The following PCDHGA6 variants were observed in gnomAD, a reference collection of about 807,000 sequenced individuals.
PCDHGA6 encodes protocadherin gamma subfamily A, 6.
PCDHGA6 carries 41 observed loss-of-function variants against 60.6 expected under a neutral mutation model. The ratio of observed to expected loss-of-function variants is 0.68; its 90% CI spans 0.53 to 0.88. The LOEUF (loss-of-function observed/expected upper bound fraction) is 0.88. PCDHGA6 is among the 40% of genes least tolerant of loss of function. PCDHGA6 has a pLI of 0.00. For synonymous variants in PCDHGA6, 594 were observed against 524.4 expected (o/e 1.13, Z -1.81); for missense variants, 1,312 against 1,203.0 (o/e 1.09, Z -1.34).
At chr5:141,470,236 T>C (rs1232874196) in intron 1 of PCDHGA6, among the ~76,000 whole-genome samples, 1 of 152,210 alleles carries the variant, frequency 6.6e-6, no homozygotes, top group African/African-American at 2.4e-5. Context: ...ACCAAACCCT[T>C]GAATGTCCCA....
intron 1 of PCDHGA6, chr5:141,419,128 A>T (rs1298102722): frequency 1.2e-6 from 2 of 1,613,768 alleles, no homozygotes; most frequent in East Asian, 2.2e-5. Flanking sequence ...TCACCATCGC[A>T]GCCACAGACA....
intron 1 of PCDHGA6, chr5:141,405,448 C>A: frequency 5.3e-6 from 7 of 1,314,660 alleles, no homozygotes; most frequent in South Asian, 1.3e-5. Context: ...GAGACAGAGT[C>A]TTACTCTGTT....
chr5:141,431,748 G>A lies in PCDHGA6; in HGVS notation c.2424+55241G>A, dbSNP rs759671844. On this transcript the variant is annotated intron_variant, in intron 1 of 3. Coordinates refer to ENST00000517434, the MANE Select transcript of PCDHGA6 (RefSeq NM_018919.3). This position sits in a 1 kb window ranked among gnomAD's most constrained non-coding sequence, Gnocchi z 4.8. ...ATGGATAATGCAGGATATTCTGCGC[G>A]AGCCAAAGTCCTGATCACTGTTCTG... 4 of 1,614,078 alleles carry A rather than the reference G, an allele frequency of 2.5e-6. No individual in the cohort carries two copies. Among genetic ancestry groups the A allele is most frequent in the African/African-American group, 1.3e-5 (1 of 74,934 alleles).
In PCDHGA6 at chr5:141,476,737, G is replaced by A. The variant is rs1420138912; in HGVS notation, c.2425-18070G>A. ...AGCGCGCCCTGGACCGAGAACGGGA[G>A]CCTAGTCTCCAGTTAGTGCTGACGG... is the stretch of plus-strand genomic sequence containing the variant. On this transcript the variant is annotated intron_variant, in intron 1 of 3. Coordinates refer to ENST00000517434, the MANE Select transcript of PCDHGA6 (RefSeq NM_018919.3). This position sits in a 1 kb window ranked among gnomAD's most constrained non-coding sequence, Gnocchi z 7.6. The A allele has an allele frequency of 3.1e-6, 5 of 1,613,982 alleles. No individual in the cohort carries two copies. Among genetic ancestry groups the A allele is most frequent in the Non-Finnish European group, 4.2e-6 (5 of 1,180,038 alleles).
At chr5:141,413,841 T>C (rs1481867404) in intron 1 of PCDHGA6, 1 of 1,613,060 alleles carries the variant, frequency 6.2e-7, no homozygotes, top group Admixed American at 1.7e-5. Context: ...CCGACGGGGG[T>C]GACCCTCTCC....
Position 141,493,891 on chromosome 5 carries a change from G to A in PCDHGA6, c.2425-916G>A, listed in dbSNP as rs1595204910. On this transcript the variant is annotated intron_variant, in intron 1 of 3. Transcript: ENST00000517434. The surrounding 1 kb of genome is among the most constrained non-coding windows in gnomAD (Gnocchi z 4.3). ...CCAGTGAGGAGGTGGCTCTAGGAGT[G>A]CTCCATGAGAGTGTGTGATGGGATA... Among the ~76,000 whole-genome samples, 1 of 152,300 alleles carries A rather than the reference G, an allele frequency of 6.6e-6. No homozygotes were observed. The highest frequency in any genetic ancestry group is 1.5e-5 in the Non-Finnish European group (1 of 68,018).
chr5:141,403,318 A>G, intron 1 of PCDHGA6: 1 of 1,613,982 alleles, frequency 6.2e-7, no homozygotes, highest in Non-Finnish European at 8.5e-7. Flanking sequence ...TAGAAATAGA[A>G]GTAACTGATA....
chr5:141,459,595 T>C (rs904266180), intron 1 of PCDHGA6, among the ~76,000 whole-genome samples: 10 of 152,232 alleles, frequency 6.6e-5, no homozygotes, highest in African/African-American at 9.6e-5. Context: ...TCATATGAAA[T>C]GGGAAGTATA....
rs146719320 is a variant in PCDHGA6, at chr5:141,444,557, A to T, written c.2425-50250A>T. ...TGTGTCTAGTGAGCAAAAGGCACTTATTTGACACTTTTGACTCTTCCTTTC... is the reference window on the plus strand; with the variant it reads ...TGTGTCTAGTGAGCAAAAGGCACTTTTTTGACACTTTTGACTCTTCCTTTC... On this transcript the variant is annotated intron_variant, in intron 1 of 3. Transcript: ENST00000517434. Among the ~76,000 whole-genome samples, 1,352 of 152,248 alleles carry T rather than the reference A, an allele frequency of 8.9e-3. 18 individuals carry two copies. The highest frequency in any genetic ancestry group is 0.031 in the African/African-American group (1,277 of 41,558).
intron 1 of PCDHGA6, chr5:141,418,509 G>T: frequency 6.2e-7 from 1 of 1,613,986 alleles, no homozygotes; most frequent in Non-Finnish European, 8.5e-7. Flanking sequence ...GCCTTAGATG[G>T]TGGGGACCCT....
chr5:141,489,991 A>G lies in PCDHGA6; in HGVS notation c.2425-4816A>G, dbSNP rs1157441385. On this transcript the variant is annotated intron_variant, in intron 1 of 3. Coordinates refer to ENST00000517434, the MANE Select transcript of PCDHGA6 (RefSeq NM_018919.3). The surrounding 1 kb of genome is among the most constrained non-coding windows in gnomAD (Gnocchi z 4.5). Reference sequence around the variant, plus strand: ...CCAATCCTCAGTTCTACGTGTGGGAATCCCAGAGAATGCACCCATTGGTAC... The same window carrying G: ...CCAATCCTCAGTTCTACGTGTGGGAGTCCCAGAGAATGCACCCATTGGTAC... The G allele has an allele frequency of 6.2e-7, 1 of 1,614,228 alleles. No individual in the cohort carries two copies. Among genetic ancestry groups the G allele is most frequent in the South Asian group, 1.1e-5 (1 of 91,090 alleles).
At chr5:141,465,792 T>A (rs1262092940) in intron 1 of PCDHGA6, among the ~76,000 whole-genome samples, 2 of 152,018 alleles carry the variant, frequency 1.3e-5, no homozygotes, top group Non-Finnish European at 2.9e-5. Flanking sequence ...TTTTTTTTTT[T>A]AAGAAACCCT....
chr5:141,384,238 G>C, intron 1 of PCDHGA6: 2 of 1,613,838 alleles, frequency 1.2e-6, no homozygotes, highest in Admixed American at 1.7e-5. Flanking sequence ...AGACACCAAC[G>C]ATAACCCACC....
chr5:141,451,809 A>C (rs1316571749), intron 1 of PCDHGA6, among the ~76,000 whole-genome samples: 1 of 150,308 alleles, frequency 6.7e-6, no homozygotes, highest in Non-Finnish European at 1.5e-5. Flanking sequence ...TGAACCCAGG[A>C]GGCGGAGGTT....
chr5:141,389,137 T>C, intron 1 of PCDHGA6: 1 of 1,614,020 alleles, frequency 6.2e-7, no homozygotes. Flanking sequence ...GAGTACAATA[T>C]AACCGTTACG....
intron 1 of PCDHGA6, among the ~76,000 whole-genome samples, chr5:141,472,980 C>CAAAAAAAAAAAAAA (rs60579131): frequency 5.8e-5 from 5 of 86,102 alleles, no homozygotes; most frequent in Admixed American, 1.2e-4. Context: ...GAGTGAAACT[C>CAAAAAAAAAAAAAA]AAAAAAAAAA....
At chr5:141,400,760 C>G (rs1296918626) in intron 1 of PCDHGA6, 2 of 582,290 alleles carry the variant, frequency 3.4e-6, no homozygotes, top group Non-Finnish European at 6.0e-6. Context: ...TCCTCTCTAG[C>G]AAAAACATTT....
chr5:141,396,628 A>G (rs1384822433), intron 1 of PCDHGA6: 2 of 152,210 alleles, frequency 1.3e-5, no homozygotes, highest in Non-Finnish European at 2.9e-5. Flanking sequence ...TCAAAAAAAA[A>G]AAAAACTAAT....
chr5:141,449,588 CAA>C (rs768743917), intron 1 of PCDHGA6, among the ~76,000 whole-genome samples: 5 of 57,502 alleles, frequency 8.7e-5, no homozygotes, highest in Admixed American at 1.8e-4. Flanking sequence ...GACTCTGTCT[CAA>C]AAAAAAAAAA....
Sources: allele counts gnomAD v4.1 joint callset (sites outside exome capture counted in the v4.1 genomes callset), GRCh38; gene constraint gnomAD v4.1.1; non-coding constraint Gnocchi (gnomAD v3.1); transcripts MANE v1.5; gene names NCBI Gene and HGNC (gene_info 2026-07-23, HGNC 2026-07-21).